The following UGT3A2 variants were observed in gnomAD, a reference collection of about 807,000 sequenced individuals.
UGT3A2 encodes the protein UDP-glycosyltransferase 3A2.
A neutral mutation model predicts 39.8 loss-of-function variants in UGT3A2; 32 were observed. That is an observed-to-expected ratio of 0.80 (90% CI 0.61 to 1.08). UGT3A2 has a LOEUF of 1.08. Among genes scored for constraint, UGT3A2 ranks in the 50% least tolerant of loss-of-function variants. The pLI, the probability that UGT3A2 is intolerant of heterozygous loss-of-function variation, is 0.00. For synonymous variants in UGT3A2, 241 were observed against 230.7 expected, an observed-to-expected ratio of 1.04 and a Z score of -0.40; for missense variants, 611 against 637.1, an observed-to-expected ratio of 0.96 and a Z score of 0.44.
chr5:36,037,949 A>G lies in UGT3A2; in HGVS notation c.1143T>C (p.His381=), dbSNP rs780588864. 6.2e-7 allele frequency: 1 copy of G among 1,614,138 alleles called. No individual in the cohort carries two copies. The highest frequency in any genetic ancestry group is 8.5e-7 in the Non-Finnish European group (1 of 1,180,024). ...GAGGGATCCCCACCATGGGCACACC[A>G]TGCTGGATGGCCTCCATTATGCTAT... ...GQNSIMEAIQ[H]GVPMVGIPLF... The change falls in exon 6 of 7, where the codon CAT becomes CAC. Residue 381 remains histidine, a synonymous_variant. Transcript: ENST00000282507.
chr5:36,052,219 C>A lies in UGT3A2; in HGVS notation c.197-235G>T, dbSNP rs759821945. Among the ~76,000 whole-genome samples, 5 of 152,284 alleles carry A rather than the reference C, an allele frequency of 3.3e-5. 1 individual carries two copies. In the Middle Eastern group the frequency reaches 0.01, roughly 311 times the overall value. On this transcript the variant is annotated intron_variant, in intron 2 of 6. Coordinates refer to ENST00000282507, the MANE Select transcript of UGT3A2 (RefSeq NM_174914.4). ...TTGCAGTCTCAGCTCCCTTAAAAAC[C>A]ACTGGGATTACAGGTGTGAGACATT...
chr5:36,058,159 A>C (rs1415136297), intron 2 of UGT3A2, among the ~76,000 whole-genome samples: 1 of 152,248 alleles, frequency 6.6e-6, no homozygotes, highest in African/African-American at 2.4e-5. Context: ...TTAATGGATA[A>C]ACAAAATGTG....
At chr5:36,062,743 T>A (rs1460398823) in intron 2 of UGT3A2, among the ~76,000 whole-genome samples, 1 of 152,134 alleles carries the variant, frequency 6.6e-6, no homozygotes, top group Non-Finnish European at 1.5e-5. Flanking sequence ...AAAATGTAGA[T>A]TAAAAAATGG....
rs779257265 is a variant in UGT3A2, at chr5:36,035,920, G to A, written c.1350C>T (p.Ser450=). The change falls in exon 7 of 7, where the codon AGC becomes AGT. Residue 450 remains serine (S), a synonymous_variant. Coordinates refer to ENST00000282507, the MANE Select transcript of UGT3A2 (RefSeq NM_174914.4). The part of the protein sequence containing the change: ...ASVILRSHPL[S]PTQRLVGWID... ...TCCAGCCCACCAGCCGCTGTGTGGG[G>A]CTGAGCGGGTGGGAGCGCAGGATGA... is the stretch of plus-strand genomic sequence containing the variant. 3.0e-5 allele frequency: 49 copies of A among 1,614,210 alleles called. No individual in the cohort carries two copies. The highest frequency in any genetic ancestry group is 4.2e-5 in the Non-Finnish European group (49 of 1,180,044).
At chr5:36,050,080 G>A (rs1287270) in intron 3 of UGT3A2, among the ~76,000 whole-genome samples, 5 of 149,550 alleles carry the variant, frequency 3.3e-5, no homozygotes, top group African/African-American at 9.8e-5. Flanking sequence ...CTTTATTATT[G>A]ACTTTTATTC....
Position 36,049,191 on chromosome 5 carries a change from AG to A in UGT3A2, c.540del (p.Leu181CysfsTer11), listed in dbSNP as rs761545075. On this transcript the variant is annotated frameshift_variant, in exon 4 of 7. Transcript: ENST00000282507. LOFTEE classifies it high-confidence loss of function. ...GAACGGAATACTGGAACATAAGACA[AG>A]GGGATTGGTAGCCCAAATTCCAAAG... Reference protein sequence around the residue: ...FGSLEFGLPIPLSYVPVFRSL... With the variant: ...FGSLEFGLPIXLSYVPVFRSL... 19 of 1,614,216 alleles carry A rather than the reference AG, an allele frequency of 1.2e-5. No homozygotes were observed. The African/African-American group carries it at 1.9e-4, about 16-fold the overall frequency.
chr5:36,035,812 G>C lies in UGT3A2; in HGVS notation c.1458C>G (p.Leu486=). The change falls in exon 7 of 7, where the codon CTC becomes CTG. Residue 486 remains leucine (L), a synonymous_variant. Coordinates refer to ENST00000282507, the MANE Select transcript of UGT3A2 (RefSeq NM_174914.4). ...GCCCCAGCAGAAACACAAAAACGTCGAGCAGGTACTGCTCATGCCAGGGCT... is the reference window on the plus strand; with the variant it reads ...GCCCCAGCAGAAACACAAAAACGTCCAGCAGGTACTGCTCATGCCAGGGCT... ...FQQPWHEQYL[L]DVFVFLLGLT... The C allele has an allele frequency of 6.2e-7, 1 of 1,614,116 alleles. No individual in the cohort carries two copies. Among genetic ancestry groups the C allele is most frequent in the Non-Finnish European group, 8.5e-7 (1 of 1,180,022 alleles).
At chr5:36,045,210 A>C (rs1279349539) in intron 4 of UGT3A2, among the ~76,000 whole-genome samples, 1 of 152,202 alleles carries the variant, frequency 6.6e-6, no homozygotes, top group Non-Finnish European at 1.5e-5. Context: ...ATTTTTGACA[A>C]GGGTGCCAAG....
chr5:36,038,203 C>T (rs1561488647), intron 5 of UGT3A2, among the ~76,000 whole-genome samples, 187 bp from the exon 6 acceptor site: 1 of 152,170 alleles, frequency 6.6e-6, no homozygotes, highest in East Asian at 1.9e-4. Flanking sequence ...GCGTTGCTAT[C>T]GTATGGAAAC....
chr5:36,053,136 C>A (rs1561494790), intron 2 of UGT3A2, among the ~76,000 whole-genome samples: 1 of 152,210 alleles, frequency 6.6e-6, no homozygotes, highest in African/African-American at 2.4e-5. Flanking sequence ...TATAACATTA[C>A]ATTGAGGGTG....
At chr5:36,044,686 A>G (rs898260587) in intron 4 of UGT3A2, among the ~76,000 whole-genome samples, 1 of 152,224 alleles carries the variant, frequency 6.6e-6, no homozygotes, top group African/African-American at 2.4e-5. Context: ...ATATGCCAAC[A>G]GTGAATAATC....
rs571954628 is a variant in UGT3A2, at chr5:36,052,119, A to C, written c.197-135T>G. The C allele has an allele frequency of 6.0e-5, 37 of 617,972 alleles. 1 individual carries two copies. The highest frequency in any genetic ancestry group is 4.7e-4 in the African/African-American group (25 of 52,874). 38.3% of individuals were successfully genotyped at this position (617,972 alleles called of 1,614,324 possible). A position where few individuals can be genotyped will look rare whatever the true frequency, so the allele number is the denominator to read the frequency against. On this transcript the variant is annotated intron_variant, in intron 2 of 6. Transcript: ENST00000282507. The stretch of plus-strand genomic sequence containing the variant: ...GATTGCTTCAAGTATTTTTTAATGT[A>C]TGCGTTTATTTATTTTTGAGACAGA...
chr5:36,044,237 C>A (rs575835934), intron 4 of UGT3A2, among the ~76,000 whole-genome samples: 12 of 152,024 alleles, frequency 7.9e-5, no homozygotes, highest in Non-Finnish European at 1.5e-4. Flanking sequence ...ATGAAAAAAA[C>A]CATATGATCA....
chr5:36,066,793 C>T lies in UGT3A2; in HGVS notation c.-4G>A. 1 of 1,614,206 alleles carries T rather than the reference C, an allele frequency of 6.2e-7. No individual in the cohort carries two copies. Among genetic ancestry groups the T allele is most frequent in the Non-Finnish European group, 8.5e-7 (1 of 1,180,024 alleles). ...GAAGCACTCGCTGCCCAGCCATGCT[C>T]ACTTCTACGGAAGCCGCGGATCTCA... On this transcript the variant is annotated 5_prime_UTR_variant, in exon 1 of 7. Coordinates refer to ENST00000282507, the MANE Select transcript of UGT3A2 (RefSeq NM_174914.4).
Position 36,037,976 on chromosome 5 carries a change from C to A in UGT3A2, c.1116G>T (p.Gln372His). ...GCTGGATGGCCTCCATTATGCTATT[C>A]TGCCCGCCGTGGGTGACAAACAGAC... ...SIRLFVTHGG[Q>H]NSIMEAIQHG... Residue 372 changes from glutamine (Q) to histidine (H), a missense_variant, in exon 6 of 7, where the codon CAG (glutamine) becomes CAT (histidine). By Grantham distance (24) the Gln-to-His change is conservative. Coordinates refer to ENST00000282507, the MANE Select transcript of UGT3A2 (RefSeq NM_174914.4). 6 of 1,612,568 alleles carry A rather than the reference C, an allele frequency of 3.7e-6. No homozygotes were observed. The highest frequency in any genetic ancestry group is 5.1e-6 in the Non-Finnish European group (6 of 1,179,518).
intron 2 of UGT3A2, among the ~76,000 whole-genome samples, chr5:36,061,962 T>C (rs1742718944): frequency 6.6e-6 from 1 of 150,774 alleles, no homozygotes; most frequent in Admixed American, 6.6e-5. Context: ...TATCTCATTG[T>C]GGTTTTGATT....
intron 4 of UGT3A2, among the ~76,000 whole-genome samples, chr5:36,045,676 T>G (rs992225118): frequency 1.3e-5 from 2 of 151,590 alleles, no homozygotes; most frequent in Non-Finnish European, 2.9e-5. Context: ...GCTATTAAAC[T>G]ACTAAAAGAA....
intron 2 of UGT3A2, among the ~76,000 whole-genome samples, chr5:36,063,896 A>T (rs1333251025): frequency 6.6e-6 from 1 of 152,146 alleles, no homozygotes; most frequent in Admixed American, 6.5e-5. Context: ...TCAGCCTCCT[A>T]AAGTGCTGGG....
At position 36,035,612 on chromosome 5, in the gene UGT3A2, GA is replaced by G. The variant is rs1189955437; in HGVS notation, c.*85del. ...ACAGGAGATAACTAGAAGGACTAGAGAATGGGGCTGCCAGAACTAGTGGGAA... is the reference window on the plus strand; with the variant it reads ...ACAGGAGATAACTAGAAGGACTAGAGATGGGGCTGCCAGAACTAGTGGGAA... On this transcript the variant is annotated 3_prime_UTR_variant, in exon 7 of 7. Coordinates refer to ENST00000282507, the MANE Select transcript of UGT3A2 (RefSeq NM_174914.4). 6.5e-7 allele frequency: 1 copy of G among 1,532,266 alleles called. No individual in the cohort carries two copies. Among genetic ancestry groups the G allele is most frequent in the Non-Finnish European group, 8.8e-7 (1 of 1,135,862 alleles). 94.9% of individuals were successfully genotyped at this position (1,532,266 alleles called of 1,614,324 possible).
Sources: gnomAD v4.1 joint callset for allele counts (sites outside exome capture counted in the v4.1 genomes callset) on GRCh38, gnomAD v4.1.1 for gene constraint, MANE v1.5 for transcripts, NCBI Gene and HGNC (gene_info 2026-07-23, HGNC 2026-07-21) for gene names.